The following TRIM71 variants were observed in gnomAD, a reference collection of about 807,000 sequenced individuals.
TRIM71 encodes tripartite motif containing 71, also known as E3 ubiquitin-protein ligase TRIM71.
Under a neutral mutation model 61.2 loss-of-function variants are expected in TRIM71, and 9 were observed. The ratio of observed to expected loss-of-function variants is 0.15; its 90% CI spans 0.09 to 0.26. The LOEUF (loss-of-function observed/expected upper bound fraction) is 0.26, where lower values mean the gene tolerates loss of function less well. Among genes scored for constraint, TRIM71 ranks in the 10% least tolerant of loss-of-function variants. TRIM71 has a pLI of 1.00. For synonymous variants in TRIM71, 645 were observed against 553.2 expected, an observed-to-expected ratio of 1.17 and a Z score of -2.33; for missense variants, 998 against 1,238.7, an observed-to-expected ratio of 0.81 and a Z score of 2.92.
intron 1 of TRIM71, among the ~76,000 whole-genome samples, chr3:32,820,366 T>G (rs1390632114): frequency 6.6e-6 from 1 of 152,224 alleles, no homozygotes; most frequent in Non-Finnish European, 1.5e-5. Context: ...GGCATCTCCT[T>G]TTAAAAGGTT....
intron 2 of TRIM71, among the ~76,000 whole-genome samples, chr3:32,874,828 T>A (rs1696837361): frequency 6.7e-6 from 1 of 148,246 alleles, no homozygotes; most frequent in Admixed American, 6.7e-5. Flanking sequence ...TTTTATTTAT[T>A]TGTGTTTTTG....
At chr3:32,858,468 T>G (rs1034717131) in intron 1 of TRIM71, among the ~76,000 whole-genome samples, 4 of 152,186 alleles carry the variant, frequency 2.6e-5, no homozygotes, top group African/African-American at 9.7e-5. Context: ...GCCAGGATAC[T>G]GTGGCCTCAT....
At chr3:32,874,534 T>G (rs529770786) in intron 2 of TRIM71, among the ~76,000 whole-genome samples, 2 of 152,212 alleles carry the variant, frequency 1.3e-5, no homozygotes, top group South Asian at 4.1e-4. Flanking sequence ...GGCTAATTTT[T>G]TTTTTTGAGA....
At chr3:32,833,466 T>G (rs1696298186) in intron 1 of TRIM71, among the ~76,000 whole-genome samples, 2 of 151,912 alleles carry the variant, frequency 1.3e-5, no homozygotes, top group South Asian at 4.2e-4. Context: ...TGCTTCTGAC[T>G]GGAGTGGAGG....
chr3:32,822,622 G>C (rs1172086450), intron 1 of TRIM71, among the ~76,000 whole-genome samples: 1 of 152,046 alleles, frequency 6.6e-6, no homozygotes, highest in Non-Finnish European at 1.5e-5. Flanking sequence ...AGTTTTTTCA[G>C]GTCTGCATAT....
intron 1 of TRIM71, among the ~76,000 whole-genome samples, chr3:32,869,715 C>T (rs544117616): frequency 1.3e-5 from 2 of 152,354 alleles, no homozygotes; most frequent in South Asian, 4.1e-4. Flanking sequence ...CTGCTGGGCT[C>T]ACATTCCTAG....
At chr3:32,865,618 G>A (rs1696724572) in intron 1 of TRIM71, among the ~76,000 whole-genome samples, 1 of 152,036 alleles carries the variant, frequency 6.6e-6, no homozygotes, top group Non-Finnish European at 1.5e-5. Context: ...TTTTCTTCCA[G>A]GATGAACTCA....
chr3:32,864,848 GTGT>G (rs1696714047), intron 1 of TRIM71, among the ~76,000 whole-genome samples: 1 of 2,304 alleles, frequency 4.3e-4, no homozygotes, highest in Non-Finnish European at 1.1e-3. Flanking sequence ...ATTAAGTGGT[GTGT>G]GTGTGTGTGT....
At chr3:32,861,750 C>G (rs1696671821) in intron 1 of TRIM71, among the ~76,000 whole-genome samples, 1 of 152,044 alleles carries the variant, frequency 6.6e-6, no homozygotes, top group South Asian at 2.1e-4. Context: ...TGTCTGGCTT[C>G]TCTCTTTAAT....
At chr3:32,849,640 G>A (rs1696516050) in intron 1 of TRIM71, among the ~76,000 whole-genome samples, 1 of 151,264 alleles carries the variant, frequency 6.6e-6, no homozygotes, top group Non-Finnish European at 1.5e-5. Flanking sequence ...ATTTACAGGC[G>A]TGAGCCTGGC....
intron 1 of TRIM71, among the ~76,000 whole-genome samples, chr3:32,852,060 G>C (rs1170523349): frequency 6.6e-6 from 1 of 152,180 alleles, no homozygotes; most frequent in African/African-American, 2.4e-5. Flanking sequence ...GAGGGGTCCT[G>C]TGGGAACAAA....
At chr3:32,830,528 A>G (rs1575342018) in intron 1 of TRIM71, among the ~76,000 whole-genome samples, 1 of 152,156 alleles carries the variant, frequency 6.6e-6, no homozygotes, top group Non-Finnish European at 1.5e-5. Flanking sequence ...AATGGAGCTC[A>G]TCTCCTGCTC....
chr3:32,856,835 G>A (rs1374829703), intron 1 of TRIM71, among the ~76,000 whole-genome samples: 1 of 152,206 alleles, frequency 6.6e-6, no homozygotes, highest in African/African-American at 2.4e-5. Context: ...ACCCTTACGG[G>A]CTCATGACCA....
At chr3:32,874,103 G>A in intron 2 of TRIM71, 118 bp downstream of exon 2, 2 of 1,054,826 alleles carry the variant, frequency 1.9e-6, no homozygotes, top group Non-Finnish European at 2.7e-6. Flanking sequence ...TGACCCAAAT[G>A]AGCTCAGGTG....
intron 1 of TRIM71, among the ~76,000 whole-genome samples, chr3:32,820,245 C>CTT (rs1559535354): frequency 6.6e-6 from 1 of 152,224 alleles, no homozygotes; most frequent in Non-Finnish European, 1.5e-5. Context: ...GCGCCGCTGC[C>CTT]TTTTCCACTC....
At chr3:32,845,861 C>G (rs1252846471) in intron 1 of TRIM71, among the ~76,000 whole-genome samples, 1 of 151,822 alleles carries the variant, frequency 6.6e-6, no homozygotes. Context: ...GCTGGGATTA[C>G]AGGCACCTGC....
intron 1 of TRIM71, among the ~76,000 whole-genome samples, chr3:32,842,946 C>T (rs1277522030): frequency 6.6e-6 from 1 of 151,734 alleles, no homozygotes; most frequent in African/African-American, 2.4e-5. Context: ...CAGGGCCAAG[C>T]CCCTATGAGT....
At chr3:32,881,793 C>G (rs1257949200) in intron 2 of TRIM71, among the ~76,000 whole-genome samples, 1 of 152,208 alleles carries the variant, frequency 6.6e-6, no homozygotes, top group African/African-American at 2.4e-5. Flanking sequence ...AGGTTGGGAA[C>G]TAGTTCAATA....
rs377608553 is a variant in TRIM71 at position 32,890,485 on chromosome 3, G to A, written c.1281G>A (p.Ala427=). 3.1e-5 allele frequency: 50 copies of A among 1,614,064 alleles called. No individual in the cohort carries two copies. Among genetic ancestry groups the A allele is most frequent in the African/African-American group, 4.0e-5 (3 of 74,944 alleles). Residue 427 remains alanine, a synonymous_variant, in exon 4 of 4, where the codon GCG becomes GCA. Transcript: ENST00000383763. The surrounding 1 kb of genome is among the most constrained non-coding windows in gnomAD (Gnocchi z 6.2). Reference sequence around the variant, plus strand: ...AGCAGGTCCTGGAGGAGGGTAGAGCGCTAGACATCCTACTGGCCCGAGACC... The same window carrying A: ...AGCAGGTCCTGGAGGAGGGTAGAGCACTAGACATCCTACTGGCCCGAGACC... ...AVQQVLEEGR[A]LDILLARDRM...
Sources: gnomAD v4.1 joint callset for allele counts (sites outside exome capture counted in the v4.1 genomes callset) on GRCh38, gnomAD v4.1.1 for gene constraint, Gnocchi (gnomAD v3.1) non-coding constraint, MANE v1.5 for transcripts, NCBI Gene and HGNC (gene_info 2026-07-23, HGNC 2026-07-21) for gene names.